SMIM31: variants seen among roughly 807,000 people sequenced by gnomAD.
The protein encoded by SMIM31 is small integral membrane protein 31, also known as human epithelial cell program regulator.
intron 1 of SMIM31, among the ~76,000 whole-genome samples, chr4:164,769,823 G>A (rs1732770263): frequency 6.6e-6 from 1 of 152,034 alleles, no homozygotes; most frequent in Admixed American, 6.5e-5. Context: ...GGTGGGTTTG[G>A]GATTGATTGG....
chr4:164,772,779 C>A (rs146589041), intron 2 of SMIM31, among the ~76,000 whole-genome samples: 3 of 151,216 alleles, frequency 2.0e-5, no homozygotes, highest in African/African-American at 7.3e-5. Flanking sequence ...GGGGTTTCAC[C>A]GTGTTAGCCG....
Position 164,769,973 on chromosome 4 carries a change from T to A in SMIM31, c.-25-446T>A, listed in dbSNP as rs139887642. Among the ~76,000 whole-genome samples, 309 of 152,316 alleles carry A rather than the reference T, an allele frequency of 2.0e-3. 3 individuals are homozygous for A. The highest frequency in any genetic ancestry group is 7.0e-3 in the African/African-American group (293 of 41,566). On this transcript the variant is annotated intron_variant, in intron 1 of 2. Coordinates refer to ENST00000507311, the MANE Select transcript of SMIM31 (RefSeq NM_001352885.1). Reference sequence around the variant, plus strand: ...GATTTATAACTTAAGGTAAGTTACATCTTAGTGCTTCAGTTTCTTCATTTA... The same window carrying A: ...GATTTATAACTTAAGGTAAGTTACAACTTAGTGCTTCAGTTTCTTCATTTA...
intron 2 of SMIM31, among the ~76,000 whole-genome samples, chr4:164,793,279 G>A (rs6852696): frequency 0.73 from 110,620 of 152,058 alleles, 40,752 homozygotes; most frequent in Non-Finnish European, 0.8. Context: ...TCTGGGTGAC[G>A]GAATCATTTG....
At chr4:164,793,080 G>T (rs1579073713) in intron 2 of SMIM31, among the ~76,000 whole-genome samples, 1 of 152,106 alleles carries the variant, frequency 6.6e-6, no homozygotes. Flanking sequence ...GATACTGGAG[G>T]TCATTACATT....
intron 2 of SMIM31, among the ~76,000 whole-genome samples, chr4:164,770,924 A>C (rs1732792634): frequency 6.6e-6 from 1 of 152,186 alleles, no homozygotes; most frequent in African/African-American, 2.4e-5. Context: ...CATAGTTACC[A>C]TAGTTCAGGG....
chr4:164,766,541 G>C (rs901117847), intron 1 of SMIM31, among the ~76,000 whole-genome samples: 1 of 152,162 alleles, frequency 6.6e-6, no homozygotes, highest in East Asian at 1.9e-4. Context: ...GCTCACGTCT[G>C]TAATCCCAGC....
intron 2 of SMIM31, among the ~76,000 whole-genome samples, chr4:164,777,127 G>A (rs1414076971): frequency 6.6e-6 from 1 of 152,152 alleles, no homozygotes; most frequent in Non-Finnish European, 1.5e-5. Context: ...ATGTAGACAG[G>A]CTTTTCATGA....
chr4:164,758,060 TTTTA>T (rs1732589908), intron 1 of SMIM31, among the ~76,000 whole-genome samples: 1 of 151,818 alleles, frequency 6.6e-6, no homozygotes, highest in Non-Finnish European at 1.5e-5. Context: ...TATTTAGATA[TTTTA>T]TTTCTCTCAG....
chr4:164,770,811 C>T (rs898463846), intron 2 of SMIM31, among the ~76,000 whole-genome samples: 3 of 120,936 alleles, frequency 2.5e-5, no homozygotes, highest in African/African-American at 8.3e-5. Flanking sequence ...TTTTAAAAAC[C>T]CAGTACCACA....
At position 164,799,090 on chromosome 4, in the gene SMIM31, A is replaced by G. The variant is rs553566144; in HGVS notation, c.113-2001A>G. On this transcript the variant is annotated intron_variant, in intron 2 of 2. Transcript: ENST00000507311. ...TGAGCTACTTAAACCTCTTTTCTTT[A>G]TAAATTACCCAGTCTCTGGGCATGG... Among the ~76,000 whole-genome samples, 8 of 152,186 alleles carry G rather than the reference A, an allele frequency of 5.3e-5. No individual in the cohort carries two copies. In the South Asian group the frequency reaches 1.7e-3, roughly 32 times the overall value.
intron 1 of SMIM31, among the ~76,000 whole-genome samples, chr4:164,767,538 A>C (rs1732735656): frequency 6.6e-6 from 1 of 152,246 alleles, no homozygotes; most frequent in Non-Finnish European, 1.5e-5. Flanking sequence ...GAAAATGTCC[A>C]GAGAACAGAC....
chr4:164,761,922 CAAATAAATAAATAAATAAAT>C (rs200368340), intron 1 of SMIM31, among the ~76,000 whole-genome samples: 1 of 146,584 alleles, frequency 6.8e-6, no homozygotes, highest in African/African-American at 2.5e-5. Flanking sequence ...GACTCCACCT[CAAATAAATAAATAAATAAAT>C]AAATAAATAA....
rs143508154 is a variant in SMIM31, at chr4:164,771,499, A to G, written c.112+944A>G. On this transcript the variant is annotated intron_variant, in intron 2 of 2. Coordinates refer to ENST00000507311, the MANE Select transcript of SMIM31 (RefSeq NM_001352885.1). ...TACCTTGGTTCTTTCCATCTTCGACATAAATTTTAAAGAATCCACTTGCTG... is the reference window on the plus strand; with the variant it reads ...TACCTTGGTTCTTTCCATCTTCGACGTAAATTTTAAAGAATCCACTTGCTG... Among the ~76,000 whole-genome samples the G allele has an allele frequency of 5.8e-3, 882 of 152,298 alleles. 7 individuals are homozygous for G. Among genetic ancestry groups the G allele is most frequent in the Middle Eastern group, 0.034 (10 of 294 alleles).
intron 2 of SMIM31, among the ~76,000 whole-genome samples, chr4:164,789,187 T>C (rs1344795875): frequency 6.6e-6 from 1 of 152,214 alleles, no homozygotes; most frequent in African/African-American, 2.4e-5. Context: ...AGCCTCTGAA[T>C]GTTTGCGGAT....
At chr4:164,778,890 G>A (rs572674117) in intron 2 of SMIM31, among the ~76,000 whole-genome samples, 2 of 151,866 alleles carry the variant, frequency 1.3e-5, no homozygotes, top group African/African-American at 4.8e-5. Flanking sequence ...AGATACTGAT[G>A]ATCCGCCATG....
intron 2 of SMIM31, among the ~76,000 whole-genome samples, chr4:164,774,663 A>C (rs1220412221): frequency 6.6e-6 from 1 of 152,210 alleles, no homozygotes; most frequent in Non-Finnish European, 1.5e-5. Context: ...CCACATCAAC[A>C]TCTCATCCAT....
At chr4:164,800,251 C>G (rs72992332) in intron 2 of SMIM31, among the ~76,000 whole-genome samples, 2 of 150,842 alleles carry the variant, frequency 1.3e-5, no homozygotes, top group Non-Finnish European at 2.9e-5. Flanking sequence ...CTCTCTTTGT[C>G]GAGGCTGGAG....
Position 164,771,276 on chromosome 4 carries a change from A to G in SMIM31, c.112+721A>G, listed in dbSNP as rs139543586. Among the ~76,000 whole-genome samples, 411 of 152,362 alleles carry G rather than the reference A, an allele frequency of 2.7e-3. 1 individual carries two copies. Among genetic ancestry groups the G allele is most frequent in the African/African-American group, 9.4e-3 (392 of 41,590 alleles). ...AGATTGCGAAACATAATTGGAATCCATAAAATCTTTTTCCTGCTCACAATT... is the reference window on the plus strand; with the variant it reads ...AGATTGCGAAACATAATTGGAATCCGTAAAATCTTTTTCCTGCTCACAATT... On this transcript the variant is annotated intron_variant, in intron 2 of 2. Transcript: ENST00000507311.
At chr4:164,770,885 T>C (rs1427531010) in intron 2 of SMIM31, among the ~76,000 whole-genome samples, 1 of 152,158 alleles carries the variant, frequency 6.6e-6, no homozygotes, top group Non-Finnish European at 1.5e-5. Context: ...TAAAGGATTG[T>C]GCCCACCACA....
Sources: allele counts gnomAD v4.1 joint callset (sites outside exome capture counted in the v4.1 genomes callset), GRCh38; gene constraint gnomAD v4.1.1; transcripts MANE v1.5; gene names NCBI Gene and HGNC (gene_info 2026-07-23, HGNC 2026-07-21).